CPNE9: variants seen among roughly 807,000 people sequenced by gnomAD.
CPNE9 encodes copine family member 9.
In CPNE9, 59 loss-of-function variants were observed where a neutral mutation model predicts 83.0. The ratio of observed to expected loss-of-function variants is 0.71; its 90% CI spans 0.58 to 0.88. CPNE9 has a LOEUF of 0.88. Among genes scored for constraint, CPNE9 ranks in the 40% least tolerant of loss-of-function variants. The pLI, the probability that CPNE9 is intolerant of heterozygous loss-of-function variation, is 0.00. For synonymous variants in CPNE9, 256 were observed against 273.4 expected (o/e 0.94, Z 0.63); for missense variants, 619 against 720.8 (o/e 0.86, Z 1.62).
chr3:9,712,851 G>C, intron 9 of CPNE9, 23 bp downstream of exon 9: 2 of 1,605,182 alleles, frequency 1.2e-6, no homozygotes, highest in Non-Finnish European at 1.7e-6. Context: ...CATCAGGGCT[G>C]TTAGGCTGGG....
In CPNE9 at chr3:9,729,524, CTA is replaced by C; in HGVS notation, c.1496_1497del (p.Tyr499CysfsTer2). 1 of 1,613,574 alleles carries C rather than the reference CTA, an allele frequency of 6.2e-7. No homozygotes were observed. ...TGACCCAGTTCGTCCCATTCCGAGA[CTA>C]TGTTGACCGGTCGGGGAACCAGGTG... Reference protein sequence around the residue: ...DIVQFVPFRDYVDRSGNQVLS... With the variant: ...DIVQFVPFRDXVDRSGNQVLS... On this transcript the variant is annotated frameshift_variant, in exon 21 of 21. Coordinates refer to ENST00000383832, the MANE Select transcript of CPNE9 (RefSeq NM_153635.3). LOFTEE classifies it high-confidence loss of function.
Position 9,705,097 on chromosome 3 carries a change from C to T in CPNE9, c.260+103C>T, listed in dbSNP as rs187733969. On this transcript the variant is annotated intron_variant, in intron 4 of 20. Transcript: ENST00000383832. The stretch of plus-strand genomic sequence containing the variant: ...GCCTCGCCTCCGGCCTGGTTCTTCT[C>T]GCAGGCCTCCCTCCCATTCTGAATG... The T allele has an allele frequency of 1.3e-4, 108 of 841,758 alleles. 1 individual carries two copies. Among genetic ancestry groups the T allele is most frequent in the Non-Finnish European group, 1.7e-4 (87 of 505,552 alleles). 52.1% of individuals were successfully genotyped at this position (841,758 alleles called of 1,614,324 possible).
intron 13 of CPNE9, 124 bp from the exon 14 acceptor site, chr3:9,715,850 G>A (rs1209471930): frequency 5.2e-6 from 4 of 769,510 alleles, no homozygotes; most frequent in Non-Finnish European, 6.6e-6. Flanking sequence ...GACTGACTGG[G>A]GGAGCGGGTG....
In CPNE9 at chr3:9,718,487, G is replaced by A. The variant is rs776878453; in HGVS notation, c.1126G>A (p.Glu376Lys). The A allele has an allele frequency of 3.7e-6, 6 of 1,612,976 alleles. No homozygotes were observed. Among genetic ancestry groups the A allele is most frequent in the Non-Finnish European group, 5.1e-6 (6 of 1,179,674 alleles). Residue 376 changes from glutamate to lysine, a missense_variant, in exon 17 of 21, where the codon GAG becomes AAG. By Grantham distance (56) the Glu-to-Lys change is moderately conservative. This residue lies in a region of CPNE9 where 438 missense variants were observed against 562.9 expected (regional missense o/e 0.78). Coordinates refer to ENST00000383832, the MANE Select transcript of CPNE9 (RefSeq NM_153635.3). ...TATTCTTTGACAGAACAACAATGAT[G>A]AGGACCCCAACTGTGCGGGCATCGA... Reference protein sequence around the residue: ...SHQFPLNNNDEDPNCAGIEGV... With the variant: ...SHQFPLNNNDKDPNCAGIEGV...
intron 17 of CPNE9, among the ~76,000 whole-genome samples, chr3:9,723,693 G>A (rs780605810): frequency 7.2e-5 from 11 of 152,136 alleles, no homozygotes; most frequent in Non-Finnish European, 1.2e-4. Flanking sequence ...ATAGGCACGC[G>A]CCACCAAGCC....
At chr3:9,709,249 C>T (rs1156503863) in intron 7 of CPNE9, among the ~76,000 whole-genome samples, 3 of 142,464 alleles carry the variant, frequency 2.1e-5, no homozygotes, top group Non-Finnish European at 3.0e-5. Context: ...GCACTCCAGC[C>T]TGGGCAACAG....
In CPNE9 at chr3:9,704,817, C is replaced by T. The variant is rs764246206; in HGVS notation, c.156+22C>T. 3 of 1,600,410 alleles carry T rather than the reference C, an allele frequency of 1.9e-6. No individual in the cohort carries two copies. Among genetic ancestry groups the T allele is most frequent in the East Asian group, 2.3e-5 (1 of 44,386 alleles). On this transcript the variant is annotated intron_variant, in intron 3 of 20. Transcript: ENST00000383832. This position sits in a 1 kb window ranked among gnomAD's most constrained non-coding sequence, Gnocchi z 7.1. ...GGAGGTGAGTCCCAGAGCCCCCTCC[C>T]GGCCCAGGGCGTCGCCCGGGAATTC...
intron 16 of CPNE9, 84 bp from the exon 17 acceptor site, chr3:9,718,390 GA>G: frequency 2.0e-6 from 3 of 1,536,342 alleles, no homozygotes; most frequent in Non-Finnish European, 2.7e-6. Flanking sequence ...GGGACTGATG[GA>G]AAAAGGAAGG....
At chr3:9,706,276 TC>T (rs1275050604) in intron 7 of CPNE9, among the ~76,000 whole-genome samples, 33 of 144,730 alleles carry the variant, frequency 2.3e-4, no homozygotes, top group Non-Finnish European at 3.0e-4. Context: ...TTTTTTTTTT[TC>T]TCTCTCTCTC....
At chr3:9,720,065 T>A (rs1481672850) in intron 17 of CPNE9, among the ~76,000 whole-genome samples, 1 of 150,458 alleles carries the variant, frequency 6.6e-6, no homozygotes, top group East Asian at 1.9e-4. Context: ...AGATCATACA[T>A]CAAATGGCTT....
chr3:9,710,391 T>A (rs1042151088), intron 7 of CPNE9, among the ~76,000 whole-genome samples: 2 of 151,924 alleles, frequency 1.3e-5, no homozygotes, highest in Non-Finnish European at 2.9e-5. Context: ...GGTGTGGTGG[T>A]GGGTGGACAT....
At chr3:9,729,332 G>GA (rs1049519251) in intron 20 of CPNE9, among the ~76,000 whole-genome samples, 175 bp from the exon 21 acceptor site, 1 of 151,764 alleles carries the variant, frequency 6.6e-6, no homozygotes. Flanking sequence ...ATAAAAGGTG[G>GA]AAAAAAAAGT....
At position 9,704,592 on chromosome 3, in the gene CPNE9, T is replaced by A. The variant is rs1285341988; in HGVS notation, c.74T>A (p.Leu25Gln). 5.6e-6 allele frequency: 9 copies of A among 1,613,634 alleles called. No individual in the cohort carries two copies. The highest frequency in any genetic ancestry group is 7.6e-6 in the Non-Finnish European group (9 of 1,179,704). Residue 25 changes from leucine (L) to glutamine (Q), a missense_variant, in exon 2 of 21, where the codon CTG (leucine) becomes CAG (glutamine). Leu to Gln is a moderately radical substitution (Grantham distance 113). This residue lies in a region of CPNE9 where 130 missense variants were observed against 117.5 expected (regional missense o/e 1.11). Coordinates refer to ENST00000383832, the MANE Select transcript of CPNE9 (RefSeq NM_153635.3). This position sits in a 1 kb window ranked among gnomAD's most constrained non-coding sequence, Gnocchi z 7.1. ...TGTCTGTTGCTTTTCTCTAGGAACC[T>A]GCTAGACCTTGATACCTTCTCCAAG... ...KIEITVSCRN[L>Q]LDLDTFSKSD...
intron 7 of CPNE9, among the ~76,000 whole-genome samples, chr3:9,709,796 C>T (rs2076607444): frequency 6.6e-6 from 1 of 151,722 alleles, no homozygotes. Flanking sequence ...TCAAGACCAG[C>T]CTGGCCAACA....
rs150882239 is a variant in CPNE9 at position 9,708,557 on chromosome 3, T to C, written c.377+2494T>C. Among the ~76,000 whole-genome samples, 26 of 152,354 alleles carry C rather than the reference T, an allele frequency of 1.7e-4. No homozygotes were observed. The South Asian group carries it at 5.0e-3, about 29-fold the overall frequency. On this transcript the variant is annotated intron_variant, in intron 7 of 20. Coordinates refer to ENST00000383832, the MANE Select transcript of CPNE9 (RefSeq NM_153635.3). ...GAATTGGCCATTGCATTTAGCAAGATGAAAATCCCTGTTGACTCTTAAGCA... is the reference window on the plus strand; with the variant it reads ...GAATTGGCCATTGCATTTAGCAAGACGAAAATCCCTGTTGACTCTTAAGCA...
At chr3:9,728,724 T>G (rs906922834) in intron 20 of CPNE9, among the ~76,000 whole-genome samples, 4 of 152,168 alleles carry the variant, frequency 2.6e-5, no homozygotes, top group Admixed American at 2.0e-4. Flanking sequence ...AGATTTTCTT[T>G]TGTTTTTTTT....
chr3:9,729,072 A>G (rs1234435285), intron 20 of CPNE9, among the ~76,000 whole-genome samples: 2 of 152,200 alleles, frequency 1.3e-5, no homozygotes, highest in Non-Finnish European at 2.9e-5. Context: ...ATAGACCCAG[A>G]GGAATGGTGG....
chr3:9,718,174 G>A lies in CPNE9; in HGVS notation c.1077G>A (p.Leu359=), dbSNP rs1463585938. ...CAGCTTATGGCTTTGGGGCCAAGCT[G>A]CCCCCAGAGGGACGGATCTCCCACC... The part of the protein sequence containing the change: ...LFPAYGFGAK[L]PPEGRISHQF... Residue 359 remains leucine (L), a synonymous_variant, in exon 16 of 21, where the codon CTG becomes CTA. Transcript: ENST00000383832. 1.9e-6 allele frequency: 3 copies of A among 1,613,642 alleles called. No individual in the cohort carries two copies. Among genetic ancestry groups the A allele is most frequent in the Non-Finnish European group, 2.5e-6 (3 of 1,179,700 alleles).
At chr3:9,716,163 G>C in intron 14 of CPNE9, 128 bp downstream of exon 14, 1 of 780,294 alleles carries the variant, frequency 1.3e-6, no homozygotes, top group Non-Finnish European at 2.1e-6. Context: ...TAAAACACTT[G>C]GCCAACTATA....
Sources: gnomAD v4.1 joint callset for allele counts (sites outside exome capture counted in the v4.1 genomes callset) on GRCh38, gnomAD v4.1.1 for gene constraint, gnomAD v4.1.1 regional missense constraint, Gnocchi (gnomAD v3.1) non-coding constraint, MANE v1.5 for transcripts, NCBI Gene and HGNC (gene_info 2026-07-23, HGNC 2026-07-21) for gene names.